Variants in HMCN1 observed in about 807,000 individuals in gnomAD.
The protein encoded by HMCN1 is hemicentin-1.
A neutral mutation model predicts 625.9 loss-of-function variants in HMCN1; 321 were observed. That is an observed-to-expected ratio of 0.51 (90% CI 0.47 to 0.56). The LOEUF (loss-of-function observed/expected upper bound fraction) is 0.56, where lower values mean the gene tolerates loss of function less well. Among genes scored for constraint, HMCN1 ranks in the 20% least tolerant of loss-of-function variants. The pLI is 0.00. For synonymous variants in HMCN1, 2,425 were observed against 2,417.6 expected, an observed-to-expected ratio of 1.00 and a Z score of -0.09; for missense variants, 6,588 against 6,887.3, an observed-to-expected ratio of 0.96 and a Z score of 1.54.
At chr1:185,848,433 A>T (rs1422198216) in intron 2 of HMCN1, among the ~76,000 whole-genome samples, 1 of 151,812 alleles carries the variant, frequency 6.6e-6, no homozygotes, top group Non-Finnish European at 1.5e-5. Flanking sequence ...TTCTTAGGAA[A>T]CTTCATTTCC....
chr1:185,798,562 AT>A (rs1162879775), intron 1 of HMCN1, among the ~76,000 whole-genome samples: 1 of 152,046 alleles, frequency 6.6e-6, no homozygotes, highest in African/African-American at 2.4e-5. Context: ...GTCTTTGTTC[AT>A]TTTAACAAAT....
intron 75 of HMCN1, 92 bp from the exon 76 acceptor site, chr1:186,116,902 A>T: frequency 7.1e-7 from 1 of 1,409,962 alleles, no homozygotes; most frequent in Non-Finnish European, 1.0e-6. Context: ...TACTGTTTTC[A>T]TCAATTTACA....
chr1:186,067,694 AAATAAT>A (rs149210507), intron 49 of HMCN1, 134 bp from the exon 50 acceptor site: 35 of 616,482 alleles, frequency 5.7e-5, no homozygotes, highest in East Asian at 2.3e-4. Flanking sequence ...CTTTTGTGTA[AAATAAT>A]AATAATAATA....
chr1:185,975,617 A>T (rs905593005), intron 15 of HMCN1, among the ~76,000 whole-genome samples: 3 of 152,140 alleles, frequency 2.0e-5, no homozygotes, highest in African/African-American at 4.8e-5. Flanking sequence ...TAGAATAAGC[A>T]AGCTATGAGC....
intron 103 of HMCN1, among the ~76,000 whole-genome samples, chr1:186,174,991 T>C (rs2102645652): frequency 6.6e-6 from 1 of 152,326 alleles, no homozygotes; most frequent in South Asian, 2.1e-4. Flanking sequence ...CATAGATACA[T>C]TTTATTTGAG....
chr1:185,956,070 AG>A (rs923517580), intron 11 of HMCN1, among the ~76,000 whole-genome samples: 1 of 152,178 alleles, frequency 6.6e-6, no homozygotes, highest in African/African-American at 2.4e-5. Context: ...TCACGTGTTT[AG>A]TCATTATTAA....
In HMCN1 at chr1:186,032,712, GAGAACGAACTAACAC is replaced by G. The variant is rs1200333475; in HGVS notation, c.5750-5220_5750-5206del. 2.0e-5 allele frequency among the ~76,000 whole-genome samples: 3 copies of G among 151,140 alleles called. No homozygotes were observed. In the East Asian group the frequency reaches 5.8e-4, roughly 29 times the overall value. ...TTGGGTATGTCTTTATTAGCAGCAT[GAGAACGAACTAACAC>G]AATGGCCATAAGTAAAAAGAAAAAA... On this transcript the variant is annotated intron_variant, in intron 36 of 106. Transcript: ENST00000271588.
At chr1:185,962,399 T>G in intron 11 of HMCN1, 119 bp from the exon 12 acceptor site, 1 of 802,226 alleles carries the variant, frequency 1.2e-6, no homozygotes, top group East Asian at 2.5e-5. Flanking sequence ...ATGGGGTTCA[T>G]CCATAGAGGA....
At chr1:185,975,128 A>G (rs1382081889) in intron 15 of HMCN1, among the ~76,000 whole-genome samples, 3 of 152,158 alleles carry the variant, frequency 2.0e-5, no homozygotes, top group African/African-American at 4.8e-5. Context: ...AGAAACTTTT[A>G]AACTTAACTT....
At chr1:185,911,533 G>A in intron 5 of HMCN1, 141 bp from the exon 6 acceptor site, 1 of 757,876 alleles carries the variant, frequency 1.3e-6, no homozygotes, top group Non-Finnish European at 2.4e-6. Flanking sequence ...CTTTGGGTTA[G>A]TTTGCAGCAC....
intron 1 of HMCN1, among the ~76,000 whole-genome samples, chr1:185,766,759 A>G (rs1487803226): frequency 6.6e-6 from 1 of 152,114 alleles, no homozygotes; most frequent in Non-Finnish European, 1.5e-5. Context: ...AAATAGTTCC[A>G]TGAATAACTT....
intron 26 of HMCN1, 71 bp from the exon 27 acceptor site, chr1:186,001,227 C>A: frequency 7.5e-7 from 1 of 1,325,168 alleles, no homozygotes; most frequent in Non-Finnish European, 1.1e-6. Flanking sequence ...TGTATAAAGG[C>A]CCTTATAAAG....
rs762447090 is a variant in HMCN1, at chr1:186,061,846, T to G, written c.7313-5T>G. ...TTATCTTAAAAAGATGGTTTGCTTC[T>G]GCAGGAGGCAGGATGCTACGGCTGA... is the stretch of plus-strand genomic sequence containing the variant. On this transcript the variant is annotated splice_region_variant and splice_polypyrimidine_tract_variant and intron_variant, in intron 46 of 106. Coordinates refer to ENST00000271588, the MANE Select transcript of HMCN1 (RefSeq NM_031935.3). The G allele has an allele frequency of 2.3e-5, 36 of 1,596,996 alleles. 2 individuals carry two copies. The South Asian group carries it at 3.9e-4, about 17-fold the overall frequency.
chr1:186,103,456 G>T lies in HMCN1; in HGVS notation c.10574-16G>T. ...AAACTGTGGGTTTATTATTATTTTT[G>T]ATTCCCTTTAAATAGAACCACCTCA... On this transcript the variant is annotated splice_polypyrimidine_tract_variant and intron_variant, in intron 68 of 106. Transcript: ENST00000271588. 2 of 1,600,992 alleles carry T rather than the reference G, an allele frequency of 1.2e-6. No homozygotes were observed. Among genetic ancestry groups the T allele is most frequent in the South Asian group, 1.1e-5 (1 of 90,626 alleles).
intron 69 of HMCN1, among the ~76,000 whole-genome samples, chr1:186,105,275 A>C (rs1306310695): frequency 6.6e-6 from 1 of 152,198 alleles, no homozygotes; most frequent in Non-Finnish European, 1.5e-5. Flanking sequence ...AAAATTAAAT[A>C]TCATTAAGCC....
intron 4 of HMCN1, among the ~76,000 whole-genome samples, chr1:185,876,951 C>T (rs1663978777): frequency 6.6e-6 from 1 of 151,914 alleles, no homozygotes; most frequent in Non-Finnish European, 1.5e-5. Flanking sequence ...TTTACATTTG[C>T]TTTTGAGTTC....
intron 4 of HMCN1, among the ~76,000 whole-genome samples, chr1:185,883,231 T>G (rs569101293): frequency 1.3e-5 from 2 of 152,230 alleles, no homozygotes; most frequent in African/African-American, 4.8e-5. Context: ...TTTCAATATA[T>G]GCTAAAATAC....
rs767256688 is a variant in HMCN1 at position 186,136,771 on chromosome 1, A to G, written c.13416A>G (p.Thr4472=). ...QATGEPQPTI[T]WSRQGHSISW... is the part of the protein sequence containing the mutation. Reference sequence around the variant, plus strand: ...CTGGAGAGCCTCAACCAACCATTACATGGTCCCGTCAAGGGCACTCTATTT... The same window carrying G: ...CTGGAGAGCCTCAACCAACCATTACGTGGTCCCGTCAAGGGCACTCTATTT... Residue 4472 remains threonine (T), a synonymous_variant, in exon 87 of 107, where the codon ACA becomes ACG. Coordinates refer to ENST00000271588, the MANE Select transcript of HMCN1 (RefSeq NM_031935.3). 4 of 1,614,032 alleles carry G rather than the reference A, an allele frequency of 2.5e-6. No homozygotes were observed. Among genetic ancestry groups the G allele is most frequent in the Admixed American group, 1.7e-5 (1 of 60,000 alleles).
At chr1:185,818,355 A>T (rs1451142917) in intron 1 of HMCN1, among the ~76,000 whole-genome samples, 3 of 151,052 alleles carry the variant, frequency 2.0e-5, no homozygotes, top group African/African-American at 7.3e-5. Flanking sequence ...CTATCAATTT[A>T]TTTTTTTTTC....
Sources: allele counts gnomAD v4.1 joint callset (sites outside exome capture counted in the v4.1 genomes callset), GRCh38; gene constraint gnomAD v4.1.1; transcripts MANE v1.5; gene names NCBI Gene and HGNC (gene_info 2026-07-23, HGNC 2026-07-21).